Variants in RETREG1 observed in about 807,000 individuals in gnomAD.
RETREG1 encodes the protein family with sequence similarity 134 member B.
In RETREG1, 44 loss-of-function variants were observed where a neutral mutation model predicts 54.8. The observed-to-expected ratio is 0.80, with a 90% confidence interval of 0.63 to 1.03. The LOEUF (loss-of-function observed/expected upper bound fraction) is 1.03. Among genes scored for constraint, RETREG1 ranks in the 50% least tolerant of loss-of-function variants. The pLI, the probability that RETREG1 is intolerant of heterozygous loss-of-function variation, is 0.00. For synonymous variants in RETREG1, 217 were observed against 238.5 expected, an observed-to-expected ratio of 0.91 and a Z score of 0.83; for missense variants, 554 against 605.1, an observed-to-expected ratio of 0.92 and a Z score of 0.89.
Position 16,584,355 on chromosome 5 carries a change from C to T in RETREG1, c.321-12253G>A, listed in dbSNP as rs943929192. Among the ~76,000 whole-genome samples, 13 of 152,226 alleles carry T rather than the reference C, an allele frequency of 8.5e-5. No individual in the cohort carries two copies. In the East Asian group the frequency reaches 9.6e-4, roughly 11 times the overall value. On this transcript the variant is annotated intron_variant, in intron 1 of 8. Coordinates refer to ENST00000306320, the MANE Select transcript of RETREG1 (RefSeq NM_001034850.3). The stretch of plus-strand genomic sequence containing the variant: ...ATATGAAATCCAGAAAGGATCTTAA[C>T]GGTCAAGTAGCAATCCCTCCATTCA...
At chr5:16,522,229 A>G (rs78503392) in intron 3 of RETREG1, among the ~76,000 whole-genome samples, 240 of 152,082 alleles carry the variant, frequency 1.6e-3, no homozygotes, top group African/African-American at 5.2e-3. Context: ...AAAAAAAAAA[A>G]GGCCTTGATT....
At chr5:16,571,758 G>A (rs974693974) in intron 2 of RETREG1, among the ~76,000 whole-genome samples, 1 of 152,004 alleles carries the variant, frequency 6.6e-6, no homozygotes, top group Non-Finnish European at 1.5e-5. Context: ...ATACCAACGT[G>A]GTATTTAAAA....
At chr5:16,560,239 T>C (rs1377825354) in intron 3 of RETREG1, among the ~76,000 whole-genome samples, 1 of 152,248 alleles carries the variant, frequency 6.6e-6, no homozygotes, top group Admixed American at 6.5e-5. Flanking sequence ...ACCACGTTTA[T>C]GCTAAATTTT....
intron 3 of RETREG1, among the ~76,000 whole-genome samples, chr5:16,559,467 C>T (rs957329696): frequency 5.9e-5 from 9 of 152,126 alleles, no homozygotes; most frequent in Admixed American, 1.3e-4. Context: ...GAGAGCACAC[C>T]GCTAGGGGCA....
At chr5:16,480,042 A>T (rs1738699395) in intron 5 of RETREG1, among the ~76,000 whole-genome samples, 1 of 152,040 alleles carries the variant, frequency 6.6e-6, no homozygotes, top group African/African-American at 2.4e-5. Context: ...TATGCATACA[A>T]CTAAGAAGCC....
chr5:16,576,568 C>A lies in RETREG1; in HGVS notation c.321-4466G>T, dbSNP rs371991158. 6.0e-4 allele frequency among the ~76,000 whole-genome samples: 92 copies of A among 152,308 alleles called. 1 individual carries two copies. The highest frequency in any genetic ancestry group is 2.0e-3 in the African/African-American group (85 of 41,568). ...TGGCACGATCTCGGCTCACCGCAAC[C>A]TCCGCCTCCCAGGTTCAAGCAATTC... On this transcript the variant is annotated intron_variant, in intron 1 of 8. Transcript: ENST00000306320.
Position 16,616,699 on chromosome 5 carries a change from C to A in RETREG1, c.273G>T (p.Arg91Ser). 2 of 1,594,818 alleles carry A rather than the reference C, an allele frequency of 1.3e-6. No individual in the cohort carries two copies. Among genetic ancestry groups the A allele is most frequent in the Non-Finnish European group, 1.7e-6 (2 of 1,177,124 alleles). The change falls in exon 1 of 9, where the codon AGG (arginine) becomes AGT (serine). Residue 91 changes from arginine (R) to serine (S), a missense_variant. Physicochemically the swap from Arg to Ser is moderately radical, Grantham distance 110. Around this residue, in one of 4 missense-constraint regions of RETREG1, gnomAD observed 175 missense variants for 142.1 expected, o/e 1.23. Coordinates refer to ENST00000306320, the MANE Select transcript of RETREG1 (RefSeq NM_001034850.3). ...CRADELLSWK[R>S]PLRSLLGFVA... ...CGAAGCCGAGCAGGCTCCGCAGCGG[C>A]CTCTTCCAGCTCAGCAGCTCGTCGG...
At chr5:16,494,527 A>G (rs162762) in intron 3 of RETREG1, among the ~76,000 whole-genome samples, 87,657 of 151,866 alleles carry the variant, frequency 0.58, 25,608 homozygotes, top group Admixed American at 0.72. Context: ...TGTTTAAAGA[A>G]CGTGTGGCAC....
intron 3 of RETREG1, among the ~76,000 whole-genome samples, chr5:16,490,406 G>A (rs1298686666): frequency 6.6e-6 from 1 of 152,120 alleles, no homozygotes; most frequent in Non-Finnish European, 1.5e-5. Context: ...TTATTTAGGT[G>A]GCAATTTGTA....
chr5:16,544,070 G>C (rs934025690), intron 3 of RETREG1, among the ~76,000 whole-genome samples: 2 of 150,956 alleles, frequency 1.3e-5, no homozygotes, highest in Non-Finnish European at 2.9e-5. Context: ...CCGCCTCCTG[G>C]GTTAAAGCAA....
chr5:16,500,067 A>G (rs905379669), intron 3 of RETREG1, among the ~76,000 whole-genome samples: 8 of 152,192 alleles, frequency 5.3e-5, no homozygotes, highest in African/African-American at 1.9e-4. Context: ...CTGAAAGACC[A>G]TGGGAGCCTC....
chr5:16,531,056 T>C (rs1198546472), intron 3 of RETREG1, among the ~76,000 whole-genome samples: 1 of 152,214 alleles, frequency 6.6e-6, no homozygotes, highest in African/African-American at 2.4e-5. Flanking sequence ...TATTCATTCA[T>C]TTTAATCCCT....
Position 16,551,563 on chromosome 5 carries a change from C to T in RETREG1, c.458+14200G>A, listed in dbSNP as rs1741543391. ...CTTGGCTCCCTCCCAAAAATGTTAC[C>T]ACCCCATGTCACTCTAGCCCTCCTT... On this transcript the variant is annotated intron_variant, in intron 3 of 8. Transcript: ENST00000306320. Among the ~76,000 whole-genome samples, 4 of 152,236 alleles carry T rather than the reference C, an allele frequency of 2.6e-5. No individual in the cohort carries two copies. The South Asian group carries it at 8.3e-4, about 32-fold the overall frequency.
At chr5:16,582,354 G>T (rs1408618732) in intron 1 of RETREG1, among the ~76,000 whole-genome samples, 1 of 152,022 alleles carries the variant, frequency 6.6e-6, no homozygotes, top group African/African-American at 2.4e-5. Flanking sequence ...CGATAAATGT[G>T]TCTATTTGCT....
intron 1 of RETREG1, among the ~76,000 whole-genome samples, chr5:16,606,651 C>T (rs1743199904): frequency 6.6e-6 from 1 of 151,954 alleles, no homozygotes. Flanking sequence ...CATAGCCTTT[C>T]TCTCCCCCTA....
At chr5:16,550,902 T>C (rs1741517155) in intron 3 of RETREG1, among the ~76,000 whole-genome samples, 1 of 152,070 alleles carries the variant, frequency 6.6e-6, no homozygotes, top group Non-Finnish European at 1.5e-5. Flanking sequence ...ATAGGGCAAA[T>C]CCATAGAGGG....
chr5:16,551,444 T>C (rs1013809023), intron 3 of RETREG1, among the ~76,000 whole-genome samples: 1 of 152,208 alleles, frequency 6.6e-6, no homozygotes, highest in African/African-American at 2.4e-5. Context: ...GGCATCTTCA[T>C]GACTCTTCTT....
chr5:16,476,531 A>G (rs1233465366), intron 8 of RETREG1, among the ~76,000 whole-genome samples: 1 of 152,204 alleles, frequency 6.6e-6, no homozygotes, highest in Admixed American at 6.5e-5. Flanking sequence ...CTGGATAAAG[A>G]AAATGTGGTA....
Position 16,528,780 on chromosome 5 carries a change from T to C in RETREG1, c.458+36983A>G, listed in dbSNP as rs115672864. On this transcript the variant is annotated intron_variant, in intron 3 of 8. Coordinates refer to ENST00000306320, the MANE Select transcript of RETREG1 (RefSeq NM_001034850.3). ...TAAAACGGGGATGGAGAAACGTTTCTATAAAGGGCTAGACAGGAACTATGT... is the reference window on the plus strand; with the variant it reads ...TAAAACGGGGATGGAGAAACGTTTCCATAAAGGGCTAGACAGGAACTATGT... Among the ~76,000 whole-genome samples, 762 of 152,286 alleles carry C rather than the reference T, an allele frequency of 5.0e-3. 8 individuals are homozygous for C. Among genetic ancestry groups the C allele is most frequent in the African/African-American group, 0.017 (725 of 41,556 alleles).
Sources: allele counts gnomAD v4.1 joint callset (sites outside exome capture counted in the v4.1 genomes callset), GRCh38; gene constraint gnomAD v4.1.1; regional missense constraint gnomAD v4.1.1; transcripts MANE v1.5; gene names NCBI Gene and HGNC (gene_info 2026-07-23, HGNC 2026-07-21).